IFTAP: variants seen among roughly 807,000 people sequenced by gnomAD.
The protein encoded by IFTAP is intraflagellar transport-associated protein.
IFTAP carries 19 observed loss-of-function variants against 19.4 expected under a neutral mutation model. The observed-to-expected ratio is 0.98, with a 90% CI of 0.68 to 1.44. IFTAP has a LOEUF of 1.44. Among genes scored for constraint, IFTAP ranks in the 40% most tolerant of loss-of-function variants. IFTAP has a pLI of 0.00. For synonymous variants in IFTAP, 85 were observed against 83.5 expected, an observed-to-expected ratio of 1.02 and a Z score of -0.10; for missense variants, 240 against 253.6, an observed-to-expected ratio of 0.95 and a Z score of 0.36.
Position 36,659,018 on chromosome 11 carries a change from G to A in IFTAP, c.499-1G>A. The A allele has an allele frequency of 6.3e-7, 1 of 1,580,560 alleles. No homozygotes were observed. Among genetic ancestry groups the A allele is most frequent in the Admixed American group, 1.8e-5 (1 of 55,760 alleles). On this transcript the variant is annotated splice_acceptor_variant, in intron 5 of 5. Transcript: ENST00000334307. LOFTEE classifies it high-confidence loss of function. ...TTTTCCTCCTTTGTTACCTTTTATA[G>A]ATACTTGGAGATGAAGTTCAACTTT...
At position 36,630,669 on chromosome 11, in the gene IFTAP, C is replaced by T. The variant is rs117331845; in HGVS notation, c.137-2615C>T. On this transcript the variant is annotated intron_variant, in intron 2 of 5. Coordinates refer to ENST00000334307, the MANE Select transcript of IFTAP (RefSeq NM_138787.4). ...ACAAATAGAACTCGTCCTTGTAGAA[C>T]ATCTTTGATTTTCAGACATTGCTGT... 9.2e-4 allele frequency among the ~76,000 whole-genome samples: 140 copies of T among 151,470 alleles called. 3 individuals are homozygous for T. In the East Asian group the frequency reaches 0.023, roughly 25 times the overall value.
chr11:36,624,269 A>G (rs1042478438), intron 2 of IFTAP, among the ~76,000 whole-genome samples: 1 of 152,116 alleles, frequency 6.6e-6, no homozygotes, highest in African/African-American at 2.4e-5. Flanking sequence ...TTTCTATAGC[A>G]GTAGAATTTT....
At chr11:36,644,440 G>A (rs753359374) in intron 4 of IFTAP, among the ~76,000 whole-genome samples, 2 of 152,196 alleles carry the variant, frequency 1.3e-5, no homozygotes, top group Non-Finnish European at 2.9e-5. Context: ...AGACAGTGTG[G>A]CGATTCCTCA....
intron 5 of IFTAP, among the ~76,000 whole-genome samples, chr11:36,652,094 C>T (rs988852591): frequency 6.6e-6 from 1 of 152,076 alleles, no homozygotes; most frequent in Non-Finnish European, 1.5e-5. Context: ...TGAAGAAAGT[C>T]ATTGGTAGCT....
chr11:36,616,160 C>T (rs1002379259), intron 2 of IFTAP, among the ~76,000 whole-genome samples: 1 of 151,994 alleles, frequency 6.6e-6, no homozygotes, highest in Non-Finnish European at 1.5e-5. Context: ...TTCTCTCTCT[C>T]ACATGCCTAG....
intron 2 of IFTAP, among the ~76,000 whole-genome samples, chr11:36,629,970 C>A (rs1220449249): frequency 6.6e-6 from 1 of 151,190 alleles, no homozygotes; most frequent in African/African-American, 2.5e-5. Context: ...GATTTCTAAA[C>A]CGTATTATGT....
intron 2 of IFTAP, among the ~76,000 whole-genome samples, chr11:36,618,711 A>T (rs1852187773): frequency 1.3e-5 from 2 of 152,098 alleles, no homozygotes; most frequent in Non-Finnish European, 2.9e-5. Context: ...CTGTGTAATG[A>T]TGCTCAAGTT....
intron 4 of IFTAP, 91 bp from the exon 5 acceptor site, chr11:36,647,923 TGC>T: frequency 7.0e-7 from 1 of 1,429,736 alleles, no homozygotes; most frequent in Non-Finnish European, 9.6e-7. Context: ...TGAGCATATT[TGC>T]TTCATTTTCT....
chr11:36,596,265 G>A (rs16929106), intron 1 of IFTAP, among the ~76,000 whole-genome samples: 1,728 of 130,618 alleles, frequency 0.013, 19 homozygotes, highest in East Asian at 0.033. Context: ...TAGATCAGCT[G>A]TAATTTACTG....
Position 36,659,138 on chromosome 11 carries a change from G to T in IFTAP, c.618G>T (p.Gln206His). 6.2e-7 allele frequency: 1 copy of T among 1,606,004 alleles called. No individual in the cohort carries two copies. Residue 206 changes from glutamine to histidine, a missense_variant, in exon 6 of 6, where the codon CAG becomes CAT. Gln to His is a conservative substitution (Grantham distance 24). Coordinates refer to ENST00000334307, the MANE Select transcript of IFTAP (RefSeq NM_138787.4). ...EIENIKELCK[Q>H]QKRKDTSPDL... ...AGAACATCAAAGAGCTATGCAAGCA[G>T]CAGAAGAGAAAGGACACCAGCCCAG...
At chr11:36,620,928 T>C (rs1341079207) in intron 2 of IFTAP, among the ~76,000 whole-genome samples, 1 of 148,760 alleles carries the variant, frequency 6.7e-6, no homozygotes, top group Non-Finnish European at 1.5e-5. Context: ...ATATTTTATG[T>C]ATACATATAA....
At chr11:36,612,742 T>A (rs1590204716) in intron 2 of IFTAP, among the ~76,000 whole-genome samples, 1 of 152,114 alleles carries the variant, frequency 6.6e-6, no homozygotes, top group Non-Finnish European at 1.5e-5. Flanking sequence ...ATTTTTATAA[T>A]AGTTATACAC....
chr11:36,652,641 G>A (rs572732406), intron 5 of IFTAP, among the ~76,000 whole-genome samples: 1 of 152,126 alleles, frequency 6.6e-6, no homozygotes, highest in Non-Finnish European at 1.5e-5. Flanking sequence ...AGTTTTCAAA[G>A]GGAACGCTTC....
chr11:36,617,709 G>A (rs7927358), intron 2 of IFTAP, among the ~76,000 whole-genome samples: 17,254 of 151,992 alleles, frequency 0.11, 1,154 homozygotes, highest in African/African-American at 0.17. Flanking sequence ...TGGATATATT[G>A]CTAAGTATTT....
In IFTAP at chr11:36,607,656, C is replaced by T. The variant is rs546236383; in HGVS notation, c.-23-2425C>T. On this transcript the variant is annotated intron_variant, in intron 1 of 5. Transcript: ENST00000334307. ...GAGGTTAAGGAAATACAGACCTGTA[C>T]AGTTGTAATCCCCCCTTTTCTTTTT... Among the ~76,000 whole-genome samples the T allele has an allele frequency of 2.6e-4, 39 of 149,312 alleles. No homozygotes were observed. In the South Asian group the frequency reaches 8.0e-3, roughly 31 times the overall value.
chr11:36,620,846 T>C (rs1369098178), intron 2 of IFTAP, among the ~76,000 whole-genome samples: 1 of 150,578 alleles, frequency 6.6e-6, no homozygotes, highest in Non-Finnish European at 1.5e-5. Flanking sequence ...TTTTCTTTGA[T>C]TCTTTGAAAA....
rs891237198 is a variant in IFTAP at position 36,615,824 on chromosome 11, A to G, written c.136+5585A>G. 4.6e-5 allele frequency among the ~76,000 whole-genome samples: 7 copies of G among 151,410 alleles called. No homozygotes were observed. In the South Asian group the frequency reaches 8.4e-4, roughly 18 times the overall value. ...GCTTAAGGAGATTTTGGGCTGAGACAATGGGGTTTTCTAGATATACAATCA... is the reference window on the plus strand; with the variant it reads ...GCTTAAGGAGATTTTGGGCTGAGACGATGGGGTTTTCTAGATATACAATCA... On this transcript the variant is annotated intron_variant, in intron 2 of 5. Transcript: ENST00000334307.
intron 4 of IFTAP, among the ~76,000 whole-genome samples, chr11:36,639,220 T>TA (rs1341331123): frequency 2.6e-5 from 4 of 151,846 alleles, no homozygotes; most frequent in African/African-American, 9.7e-5. Flanking sequence ...CAGCCCAACC[T>TA]CTTTTCTGGT....
intron 5 of IFTAP, among the ~76,000 whole-genome samples, chr11:36,658,380 A>G (rs982521186): frequency 3.4e-4 from 52 of 152,314 alleles, no homozygotes; most frequent in African/African-American, 1.1e-3. Flanking sequence ...CAAATTATGA[A>G]TAGATTCAAA....
Sources: allele counts gnomAD v4.1 joint callset (sites outside exome capture counted in the v4.1 genomes callset), GRCh38; gene constraint gnomAD v4.1.1; transcripts MANE v1.5; gene names NCBI Gene and HGNC (gene_info 2026-07-23, HGNC 2026-07-21).